CHD2: variants seen among roughly 807,000 people sequenced by gnomAD.
CHD2 encodes the protein chromodomain helicase DNA binding protein 2.
Under a neutral mutation model 243.9 loss-of-function variants are expected in CHD2, and 28 were observed. That is an observed-to-expected ratio of 0.11 (90% CI 0.09 to 0.16). The LOEUF (loss-of-function observed/expected upper bound fraction) is 0.16, where lower values mean the gene tolerates loss of function less well. Among genes scored for constraint, CHD2 ranks in the 10% least tolerant of loss-of-function variants. The pLI is 1.00. For missense variants in CHD2, 1,386 were observed against 2,209.8 expected, an observed-to-expected ratio of 0.63 and a Z score of 7.47; for synonymous variants, 775 against 779.0, an observed-to-expected ratio of 0.99 and a Z score of 0.09.
At chr15:92,981,296 A>C (rs2141846979) in intron 23 of CHD2, 69 bp from the exon 24 acceptor site, 2 of 1,048,364 alleles carry the variant, frequency 1.9e-6, no homozygotes, top group East Asian at 5.0e-5. Context: ...AATACGAATA[A>C]TTTCTGGGCA....
At chr15:92,918,252 C>A (rs546597742) in intron 2 of CHD2, among the ~76,000 whole-genome samples, 1 of 152,286 alleles carries the variant, frequency 6.6e-6, no homozygotes, top group East Asian at 1.9e-4. Flanking sequence ...TGAAGAGATA[C>A]CAAATTCTTT....
At chr15:92,901,347 A>C in intron 2 of CHD2, 48 bp downstream of exon 2, 1 of 1,115,878 alleles carries the variant, frequency 9.0e-7, no homozygotes. Flanking sequence ...TTTGGGGGAG[A>C]AACCTCAGCT....
chr15:92,943,141 GGAGATCACAGC>G, intron 9 of CHD2, 73 bp downstream of exon 9: 1 of 1,139,278 alleles, frequency 8.8e-7, no homozygotes, highest in Non-Finnish European at 1.3e-6. Flanking sequence ...AATAATGCAT[GGAGATCACAGC>G]TATCTAGAAT....
chr15:92,972,254 T>G lies in CHD2; in HGVS notation c.2353-11T>G. ...TCAACATAATTATTGGAATGTCTTT[T>G]AAATCTTCAGTCCCTCATAAGGAGC... On this transcript the variant is annotated splice_polypyrimidine_tract_variant and intron_variant, in intron 18 of 38. Coordinates refer to ENST00000394196, the MANE Select transcript of CHD2 (RefSeq NM_001271.4). 1 of 1,603,760 alleles carries G rather than the reference T, an allele frequency of 6.2e-7. No individual in the cohort carries two copies. Among genetic ancestry groups the G allele is most frequent in the Non-Finnish European group, 8.5e-7 (1 of 1,176,680 alleles).
In CHD2 at chr15:93,012,451, T is replaced by C. The variant is rs748728212; in HGVS notation, c.4692+7T>C. ...AAGGTCTCAAGAAGAAGAGGTAAAGTACAAATTCAGTCCTAATTCATACAA... is the reference window on the plus strand; with the variant it reads ...AAGGTCTCAAGAAGAAGAGGTAAAGCACAAATTCAGTCCTAATTCATACAA... On this transcript the variant is annotated splice_region_variant and intron_variant, in intron 36 of 38. Transcript: ENST00000394196. 21 of 1,572,986 alleles carry C rather than the reference T, an allele frequency of 1.3e-5. No homozygotes were observed. In the Middle Eastern group the frequency reaches 1.3e-3, roughly 100 times the overall value.
intron 5 of CHD2, among the ~76,000 whole-genome samples, chr15:92,935,299 G>C (rs1324593682): frequency 3.3e-5 from 5 of 152,176 alleles, no homozygotes; most frequent in Non-Finnish European, 5.9e-5. Flanking sequence ...GCCTCCCAAA[G>C]TGCTGGGATT....
chr15:92,947,914 G>A (rs2053495127), intron 12 of CHD2, among the ~76,000 whole-genome samples: 1 of 152,150 alleles, frequency 6.6e-6, no homozygotes, highest in Admixed American at 6.5e-5. Flanking sequence ...TCAGAGAAAA[G>A]TCCCCTGAAA....
intron 28 of CHD2, among the ~76,000 whole-genome samples, chr15:92,994,514 C>G (rs965089636): frequency 2.0e-5 from 3 of 151,800 alleles, no homozygotes; most frequent in Non-Finnish European, 2.9e-5. Flanking sequence ...TTGTAAAAGA[C>G]AAATAACTTG....
chr15:92,978,205 C>T, intron 20 of CHD2, 29 bp from the exon 21 acceptor site: 1 of 1,613,738 alleles, frequency 6.2e-7, no homozygotes. Context: ...AAGGCCACTG[C>T]ATAAAGTAGT....
chr15:92,992,432 T>C (rs2054131849), intron 27 of CHD2, among the ~76,000 whole-genome samples: 1 of 152,192 alleles, frequency 6.6e-6, no homozygotes, highest in Admixed American at 6.5e-5. Flanking sequence ...CAACTAAACA[T>C]ATAGTAGAAG....
intron 16 of CHD2, among the ~76,000 whole-genome samples, chr15:92,961,385 C>T (rs954050286): frequency 1.3e-5 from 2 of 152,074 alleles, no homozygotes; most frequent in African/African-American, 4.8e-5. Context: ...TTATAGTACT[C>T]TCTTAGCCTT....
At chr15:92,951,754 T>G (rs528709462) in intron 13 of CHD2, among the ~76,000 whole-genome samples, 52 of 152,340 alleles carry the variant, frequency 3.4e-4, no homozygotes, top group Non-Finnish European at 7.1e-4. Flanking sequence ...ATATACTACA[T>G]CGTTTAAACT....
chr15:92,951,477 T>A (rs2053553781), intron 13 of CHD2, among the ~76,000 whole-genome samples: 2 of 152,122 alleles, frequency 1.3e-5, no homozygotes, highest in African/African-American at 4.8e-5. Flanking sequence ...GGCCAGCATT[T>A]TTTTACTTTA....
rs1004847395 is a variant in CHD2, at chr15:93,023,221, A to T, written c.5154-1151A>T. Among the ~76,000 whole-genome samples the T allele has an allele frequency of 2.6e-5, 4 of 152,328 alleles. No individual in the cohort carries two copies. In the South Asian group the frequency reaches 8.3e-4, roughly 32 times the overall value. On this transcript the variant is annotated intron_variant, in intron 38 of 38. Coordinates refer to ENST00000394196, the MANE Select transcript of CHD2 (RefSeq NM_001271.4). ...CAGCCTCTGGCAGCCACCAGTTTGCATTCTGTCTCTCTGGATTTGCCTGTT... is the reference window on the plus strand; with the variant it reads ...CAGCCTCTGGCAGCCACCAGTTTGCTTTCTGTCTCTCTGGATTTGCCTGTT...
intron 36 of CHD2, among the ~76,000 whole-genome samples, chr15:93,013,660 C>T (rs996010406): frequency 3.9e-5 from 6 of 152,142 alleles, no homozygotes; most frequent in South Asian, 2.1e-4. Flanking sequence ...TGTGGCTAGG[C>T]GCGGTGGCTC....
chr15:92,938,574 T>C (rs2053305771), intron 6 of CHD2, among the ~76,000 whole-genome samples: 1 of 152,178 alleles, frequency 6.6e-6, no homozygotes, highest in Admixed American at 6.5e-5. Context: ...TTTATCTTAT[T>C]TTATCTCAGC....
At chr15:92,905,447 T>G (rs990254327) in intron 2 of CHD2, among the ~76,000 whole-genome samples, 1 of 152,222 alleles carries the variant, frequency 6.6e-6, no homozygotes, top group Non-Finnish European at 1.5e-5. Flanking sequence ...GGACAAAGTT[T>G]TTTTCCTGCC....
intron 38 of CHD2, chr15:93,020,604 C>T (rs2054523097): frequency 2.0e-6 from 1 of 492,910 alleles, no homozygotes; most frequent in Non-Finnish European, 3.6e-6. Flanking sequence ...TGGGTACCAG[C>T]CCACAGTCCT....
chr15:92,916,284 G>A (rs995901060), intron 2 of CHD2, among the ~76,000 whole-genome samples: 1 of 152,116 alleles, frequency 6.6e-6, no homozygotes, highest in Admixed American at 6.5e-5. Flanking sequence ...CCTTAACCTT[G>A]GCAAAATAAA....
Sources: gnomAD v4.1 joint callset for allele counts (sites outside exome capture counted in the v4.1 genomes callset) on GRCh38, gnomAD v4.1.1 for gene constraint, MANE v1.5 for transcripts, NCBI Gene and HGNC (gene_info 2026-07-23, HGNC 2026-07-21) for gene names.